The following SCN11A variants were observed in gnomAD, a reference collection of about 807,000 sequenced individuals.
The protein encoded by SCN11A is sodium voltage-gated channel alpha subunit 11, also known as sodium channel protein type 11 subunit alpha.
SCN11A carries 122 observed loss-of-function variants against 162.2 expected under a neutral mutation model. The observed-to-expected ratio is 0.75, with a 90% CI of 0.65 to 0.87. SCN11A has a LOEUF of 0.87. Among genes scored for constraint, SCN11A ranks in the 40% least tolerant of loss-of-function variants. The pLI, the probability that SCN11A is intolerant of heterozygous loss-of-function variation, is 0.00. For synonymous variants in SCN11A, 758 were observed against 751.5 expected, an observed-to-expected ratio of 1.01 and a Z score of -0.14; for missense variants, 2,015 against 2,181.6, an observed-to-expected ratio of 0.92 and a Z score of 1.52.
chr3:38,996,021 T>G (rs72858005), intron 2 of SCN11A, among the ~76,000 whole-genome samples: 3,924 of 152,188 alleles, frequency 0.026, 164 homozygotes, highest in African/African-American at 0.087. Flanking sequence ...GAGCGCGCGC[T>G]CTCTCTCTTT....
In SCN11A at chr3:39,047,662, A is replaced by C. The variant is rs539383914; in HGVS notation, c.-404+4199T>G. On this transcript the variant is annotated intron_variant, in intron 1 of 29. Coordinates refer to ENST00000302328, the MANE Select transcript of SCN11A (RefSeq NM_001349253.2). ...GAATTAATATCCAGGAAGTATAAAA[A>C]ACTCAAACAACTCAATAGCAAAAAA... 1.1e-3 allele frequency among the ~76,000 whole-genome samples: 162 copies of C among 151,684 alleles called. 1 individual carries two copies. The highest frequency in any genetic ancestry group is 3.9e-3 in the African/African-American group (158 of 40,972).
At chr3:38,919,678 T>C (rs1423253626) in intron 11 of SCN11A, among the ~76,000 whole-genome samples, 2 of 152,240 alleles carry the variant, frequency 1.3e-5, no homozygotes, top group Non-Finnish European at 2.9e-5. Flanking sequence ...ACCTACTCCA[T>C]AAAGTTGAAA....
chr3:38,981,277 T>G (rs1047709285), intron 2 of SCN11A, among the ~76,000 whole-genome samples: 3 of 152,168 alleles, frequency 2.0e-5, no homozygotes, highest in African/African-American at 7.2e-5. Flanking sequence ...ATTACGGAAA[T>G]TCTTATTATC....
Position 38,974,694 on chromosome 3 carries a change from C to CAA in SCN11A, c.-279-14273_-279-14272dup, listed in dbSNP as rs773028321. Reference sequence around the variant, plus strand: ...TGGGCAACAGAGTAAGACTCCGTCTCAAAAAAAAAAAAAAAAAAAGAAAAG... The same window carrying CAA: ...TGGGCAACAGAGTAAGACTCCGTCTCAAAAAAAAAAAAAAAAAAAAAGAAAAG... On this transcript the variant is annotated intron_variant, in intron 2 of 29. Coordinates refer to ENST00000302328, the MANE Select transcript of SCN11A (RefSeq NM_001349253.2). Among the ~76,000 whole-genome samples the CAA allele has an allele frequency of 3.5e-3, 166 of 48,082 alleles. 2 individuals are homozygous for CAA. Among genetic ancestry groups the CAA allele is most frequent in the African/African-American group, 9.7e-3 (155 of 15,998 alleles). 31.5% of individuals were successfully genotyped at this position (48,082 alleles called of 152,430 possible).
chr3:38,987,278 T>TTCTCTC (rs10546388), intron 2 of SCN11A, among the ~76,000 whole-genome samples: 1 of 119,134 alleles, frequency 8.4e-6, no homozygotes, highest in Admixed American at 8.4e-5. Flanking sequence ...CCCAGTGCCT[T>TTCTCTC]TCTCTCTCTC....
At chr3:38,990,717 T>C (rs188659008) in intron 2 of SCN11A, among the ~76,000 whole-genome samples, 1 of 152,168 alleles carries the variant, frequency 6.6e-6, no homozygotes, top group East Asian at 1.9e-4. Context: ...CCCTTCGAAA[T>C]AGAGTCTGCT....
At chr3:39,030,230 C>T (rs2031711751) in intron 2 of SCN11A, among the ~76,000 whole-genome samples, 1 of 152,210 alleles carries the variant, frequency 6.6e-6, no homozygotes, top group African/African-American at 2.4e-5. Flanking sequence ...GCAGGAGATG[C>T]TCTGCAAAGA....
chr3:39,038,790 T>C (rs764186928), intron 1 of SCN11A, among the ~76,000 whole-genome samples: 1 of 137,840 alleles, frequency 7.3e-6, no homozygotes, highest in Non-Finnish European at 1.5e-5. Context: ...CTACATACAA[T>C]AGTGAAGTAT....
chr3:38,951,717 C>T (rs1352697162), intron 4 of SCN11A, among the ~76,000 whole-genome samples: 1 of 152,178 alleles, frequency 6.6e-6, no homozygotes, highest in East Asian at 1.9e-4. Flanking sequence ...GTGCACCAAT[C>T]GACACTCTGT....
At position 38,877,722 on chromosome 3, in the gene SCN11A, T is replaced by C. The variant is rs536713347; in HGVS notation, c.3393+2228A>G. 2.2e-4 allele frequency among the ~76,000 whole-genome samples: 18 copies of C among 83,604 alleles called. 3 individuals carry two copies. Among genetic ancestry groups the C allele is most frequent in the African/African-American group, 1.6e-3 (16 of 10,302 alleles). The allele number at this position is 83,604 out of a possible 152,430, so 54.8% of individuals were successfully genotyped here. A position where few individuals can be genotyped will look rare whatever the true frequency, so the allele number is the denominator to read the frequency against. On this transcript the variant is annotated intron_variant, in intron 23 of 29. Transcript: ENST00000302328. ...TATGGTATATATATGGTGTATATAC[T>C]ATATATATGGTATATATATGGTGTA... is the stretch of plus-strand genomic sequence containing the variant.
chr3:38,885,142 C>T (rs2065373801), intron 21 of SCN11A, 146 bp downstream of exon 21: 1 of 611,414 alleles, frequency 1.6e-6, no homozygotes, highest in African/African-American at 1.9e-5. Context: ...CGACAATCGC[C>T]TCAAGAATCT....
At chr3:38,905,759 T>G (rs1284892171) in intron 14 of SCN11A, among the ~76,000 whole-genome samples, 1 of 152,182 alleles carries the variant, frequency 6.6e-6, no homozygotes, top group East Asian at 1.9e-4. Context: ...GCTGCAGTTG[T>G]GAAGTGAACA....
chr3:38,927,018 T>C, intron 7 of SCN11A, 87 bp from the exon 8 acceptor site: 1 of 1,289,442 alleles, frequency 7.8e-7, no homozygotes, highest in Non-Finnish European at 1.1e-6. Context: ...GCCTTGATTT[T>C]TTTTTCCATT....
intron 9 of SCN11A, among the ~76,000 whole-genome samples, chr3:38,924,202 T>C (rs1258419192): frequency 6.6e-6 from 1 of 151,684 alleles, no homozygotes; most frequent in East Asian, 1.9e-4. Context: ...ATATCCTCCC[T>C]GTGCCTACAA....
chr3:38,859,098 G>T (rs1212286330), intron 28 of SCN11A, among the ~76,000 whole-genome samples: 1 of 151,902 alleles, frequency 6.6e-6, no homozygotes, highest in Non-Finnish European at 1.5e-5. Flanking sequence ...ACAATCTAAG[G>T]TCAGATCTCA....
intron 2 of SCN11A, among the ~76,000 whole-genome samples, chr3:38,997,095 T>A (rs2030668328): frequency 6.6e-6 from 1 of 152,190 alleles, no homozygotes; most frequent in Non-Finnish European, 1.5e-5. Flanking sequence ...GATCTTTTAA[T>A]AAAGTCATGT....
chr3:38,862,758 G>A (rs1036567422), intron 28 of SCN11A, among the ~76,000 whole-genome samples: 1 of 152,064 alleles, frequency 6.6e-6, no homozygotes, highest in Non-Finnish European at 1.5e-5. Context: ...TGGGAAGAGG[G>A]TGAGGAATAC....
chr3:38,888,718 A>T (rs1046632870), intron 19 of SCN11A, among the ~76,000 whole-genome samples: 2 of 152,252 alleles, frequency 1.3e-5, no homozygotes, highest in Non-Finnish European at 2.9e-5. Flanking sequence ...GAGAGTGCAC[A>T]GCAAATGAAG....
chr3:38,846,651 A>G lies in SCN11A; in HGVS notation c.*43T>C, dbSNP rs1186452547. 1.3e-6 allele frequency: 2 copies of G among 1,538,412 alleles called. No individual in the cohort carries two copies. Among genetic ancestry groups the G allele is most frequent in the Non-Finnish European group, 1.8e-6 (2 of 1,115,682 alleles). The stretch of plus-strand genomic sequence containing the variant: ...CTGACCCCTGGAGCTCAGAGGCTGA[A>G]GGCAAGGCTGTGAAGCTATGAGGTA... On this transcript the variant is annotated 3_prime_UTR_variant, in exon 30 of 30. Coordinates refer to ENST00000302328, the MANE Select transcript of SCN11A (RefSeq NM_001349253.2).
Sources: allele counts gnomAD v4.1 joint callset (sites outside exome capture counted in the v4.1 genomes callset), GRCh38; gene constraint gnomAD v4.1.1; transcripts MANE v1.5; gene names NCBI Gene and HGNC (gene_info 2026-07-23, HGNC 2026-07-21).